Variants in ZMPSTE24 observed in about 807,000 individuals in gnomAD.
The protein encoded by ZMPSTE24 is CAAX prenyl protease 1 homolog.
In ZMPSTE24, 48 loss-of-function variants were observed where a neutral mutation model predicts 56.7. The ratio of observed to expected loss-of-function variants is 0.85; its 90% CI spans 0.67 to 1.08. The LOEUF is 1.08. Among genes scored for constraint, ZMPSTE24 ranks in the 50% least tolerant of loss-of-function variants. The pLI is 0.00. For missense variants in ZMPSTE24, 503 were observed against 548.7 expected, an observed-to-expected ratio of 0.92 and a Z score of 0.83; for synonymous variants, 172 against 195.2, an observed-to-expected ratio of 0.88 and a Z score of 0.99.
chr1:40,266,762 T>TTG, intron 2 of ZMPSTE24, among the ~76,000 whole-genome samples: 1 of 61,314 alleles, frequency 1.6e-5, no homozygotes, highest in African/African-American at 8.2e-5. Flanking sequence ...TTCGAACAAG[T>TTG]TTTTTTTTTT....
rs1292677042 is a variant in ZMPSTE24, at chr1:40,288,000, G to C, written c.1059+1971G>C. On this transcript the variant is annotated intron_variant, in intron 8 of 9. Coordinates refer to ENST00000372759, the MANE Select transcript of ZMPSTE24 (RefSeq NM_005857.5). The stretch of plus-strand genomic sequence containing the variant: ...GAGACCAGCCTGGGCAACATAGCGA[G>C]ACCCCCTTCTCTCCAAAAGGTTAAA... Among the ~76,000 whole-genome samples, 5 of 151,978 alleles carry C rather than the reference G, an allele frequency of 3.3e-5. No homozygotes were observed. The East Asian group carries it at 9.7e-4, about 29-fold the overall frequency.
At chr1:40,268,343 A>T in intron 3 of ZMPSTE24, 76 bp from the exon 4 acceptor site, 1 of 940,130 alleles carries the variant, frequency 1.1e-6, no homozygotes. Context: ...GTAGTAAGTA[A>T]GTGCTCAGCA....
intron 8 of ZMPSTE24, among the ~76,000 whole-genome samples, chr1:40,288,385 T>C (rs975429329): frequency 6.6e-6 from 1 of 152,212 alleles, no homozygotes; most frequent in African/African-American, 2.4e-5. Flanking sequence ...GGAAAATCAC[T>C]GCCCCTTCCA....
intron 1 of ZMPSTE24, 76 bp from the exon 2 acceptor site, chr1:40,260,763 C>A: frequency 6.7e-7 from 1 of 1,486,578 alleles, no homozygotes; most frequent in Non-Finnish European, 9.3e-7. Context: ...AGCTATAAAC[C>A]ATTCGATGTT....
At chr1:40,289,135 G>A (rs905953250) in intron 8 of ZMPSTE24, among the ~76,000 whole-genome samples, 1 of 152,210 alleles carries the variant, frequency 6.6e-6, no homozygotes, top group African/African-American at 2.4e-5. Flanking sequence ...AGGGTTGTTG[G>A]TGGTAGGAGT....
At position 40,292,515 on chromosome 1, in the gene ZMPSTE24, T is replaced by C. The variant is rs1443078191; in HGVS notation, c.1274T>C (p.Leu425Pro). The change falls in exon 10 of 10, where the codon CTT becomes CCT. Residue 425 changes from leucine to proline, a missense_variant. Coordinates refer to ENST00000372759, the MANE Select transcript of ZMPSTE24 (RefSeq NM_005857.5). ...EFQADAFAKK[L>P]GKAKDLYSAL... The stretch of plus-strand genomic sequence containing the variant: ...CAAGCTGATGCATTTGCCAAGAAAC[T>C]TGGGAAGGCTAAAGACTTATATTCT... The C allele has an allele frequency of 6.2e-7, 1 of 1,614,156 alleles. No homozygotes were observed. The highest frequency in any genetic ancestry group is 1.7e-5 in the Admixed American group (1 of 60,016).
Position 40,292,731 on chromosome 1 carries a change from G to T in ZMPSTE24, c.*62G>T. ...ATTTCTGTCCTGGCAGCATGTTCCA[G>T]CTCTTGATGTTTTTAAACTTTTTTT... On this transcript the variant is annotated 3_prime_UTR_variant, in exon 10 of 10. Coordinates refer to ENST00000372759, the MANE Select transcript of ZMPSTE24 (RefSeq NM_005857.5). 6.6e-7 allele frequency: 1 copy of T among 1,525,662 alleles called. No homozygotes were observed. The highest frequency in any genetic ancestry group is 1.2e-5 in the South Asian group (1 of 86,062). 94.5% of individuals were successfully genotyped at this position (1,525,662 alleles called of 1,614,324 possible).
chr1:40,278,557 CAAAAAAAAAAAAAAA>C (rs397979953), intron 6 of ZMPSTE24, among the ~76,000 whole-genome samples: 3 of 19,542 alleles, frequency 1.5e-4, no homozygotes, highest in African/African-American at 3.9e-4. Flanking sequence ...GACTCCGTCT[CAAAAAAAAAAAAAAA>C]AAAAAAAAAA....
At chr1:40,284,445 G>A (rs1465256082) in intron 7 of ZMPSTE24, among the ~76,000 whole-genome samples, 1 of 151,676 alleles carries the variant, frequency 6.6e-6, no homozygotes, top group Non-Finnish European at 1.5e-5. Context: ...TTGGTTATTT[G>A]CTCCTTAGTA....
intron 8 of ZMPSTE24, among the ~76,000 whole-genome samples, chr1:40,289,313 A>C (rs189816019): frequency 1.3e-5 from 2 of 152,382 alleles, no homozygotes; most frequent in Admixed American, 1.3e-4. Flanking sequence ...CCCAGTTCAG[A>C]AGGGATAGTT....
chr1:40,269,858 A>G (rs1199790651), intron 4 of ZMPSTE24, 117 bp from the exon 5 acceptor site: 2 of 1,178,528 alleles, frequency 1.7e-6, no homozygotes, highest in African/African-American at 1.6e-5. Flanking sequence ...ATATAGTTTC[A>G]CTGCATGTTA....
chr1:40,289,814 C>A (rs1643821894), intron 8 of ZMPSTE24, among the ~76,000 whole-genome samples: 1 of 152,166 alleles, frequency 6.6e-6, no homozygotes, highest in South Asian at 2.1e-4. Flanking sequence ...TCTGGTACAG[C>A]TCCAGTGGGC....
intron 8 of ZMPSTE24, among the ~76,000 whole-genome samples, chr1:40,286,337 A>G (rs1343299573): frequency 1.3e-5 from 2 of 152,226 alleles, no homozygotes; most frequent in African/African-American, 4.8e-5. Context: ...TATCACCACC[A>G]TCATCACCTC....
Position 40,260,875 on chromosome 1 carries a change from G to A in ZMPSTE24, c.160G>A (p.Glu54Lys), listed in dbSNP as rs1409114429. ...IYKTTTHVPP[E>K]LGQIMDSETF... The stretch of plus-strand genomic sequence containing the variant: ...TAAAACAACAACTCATGTACCACCG[G>A]AGTTAGGACAGATCATGGATTCTGA... Residue 54 changes from glutamate (E) to lysine (K), a missense_variant, in exon 2 of 10, where the codon GAG (glutamate) becomes AAG (lysine). Glu to Lys is a moderately conservative substitution (Grantham distance 56). Coordinates refer to ENST00000372759, the MANE Select transcript of ZMPSTE24 (RefSeq NM_005857.5). 3 of 1,613,920 alleles carry A rather than the reference G, an allele frequency of 1.9e-6. No homozygotes were observed. Among genetic ancestry groups the A allele is most frequent in the Admixed American group, 3.3e-5 (2 of 60,006 alleles).
rs1214749173 is a variant in ZMPSTE24 at position 40,292,508 on chromosome 1, A to G, written c.1267A>G (p.Lys423Glu). Reference protein sequence around the residue: ...RFEFQADAFAKKLGKAKDLYS... With the variant: ...RFEFQADAFAEKLGKAKDLYS... ...TGAGTTTCAAGCTGATGCATTTGCCAAGAAACTTGGGAAGGCTAAAGACTT... is the reference window on the plus strand; with the variant it reads ...TGAGTTTCAAGCTGATGCATTTGCCGAGAAACTTGGGAAGGCTAAAGACTT... Residue 423 changes from lysine to glutamate, a missense_variant, in exon 10 of 10, where the codon AAG becomes GAG. Physicochemically the swap from Lys to Glu is moderately conservative, Grantham distance 56 (BLOSUM62 1). Coordinates refer to ENST00000372759, the MANE Select transcript of ZMPSTE24 (RefSeq NM_005857.5). The G allele has an allele frequency of 1.9e-6, 3 of 1,614,142 alleles. No homozygotes were observed. Among genetic ancestry groups the G allele is most frequent in the East Asian group, 2.2e-5 (1 of 44,880 alleles).
At chr1:40,273,537 A>AAAAAAAT (rs1224234676) in intron 6 of ZMPSTE24, among the ~76,000 whole-genome samples, 3 of 12,390 alleles carry the variant, frequency 2.4e-4, no homozygotes, top group Non-Finnish European at 5.9e-4. Flanking sequence ...AAAAAAAAAA[A>AAAAAAAT]ATATATATAT....
Position 40,292,968 on chromosome 1 carries a change from A to G in ZMPSTE24, c.*299A>G, listed in dbSNP as rs1403791372. On this transcript the variant is annotated 3_prime_UTR_variant, in exon 10 of 10. Transcript: ENST00000372759. ...GAACTCGTTTTATTTGTATACTTAT[A>G]TGGAATCTGCATGTGAGGTGTTTGA... is the stretch of plus-strand genomic sequence containing the variant. 3 of 326,996 alleles carry G rather than the reference A, an allele frequency of 9.2e-6. No homozygotes were observed. The highest frequency in any genetic ancestry group is 4.4e-5 in the African/African-American group (2 of 45,786). The allele number at this position is 326,996 out of a possible 1,614,324, so 20.3% of individuals were successfully genotyped here.
chr1:40,280,941 A>AT (rs1355631900), intron 6 of ZMPSTE24, among the ~76,000 whole-genome samples: 1 of 152,034 alleles, frequency 6.6e-6, no homozygotes, highest in African/African-American at 2.4e-5. Flanking sequence ...ATACATGCAC[A>AT]TTTTTTCTTG....
intron 6 of ZMPSTE24, among the ~76,000 whole-genome samples, chr1:40,273,540 ATAT>A (rs1557776806): frequency 3.4e-4 from 27 of 78,412 alleles, no homozygotes; most frequent in African/African-American, 1.5e-3. Context: ...AAAAAAAAAT[ATAT>A]ATATATATAT....
Sources: gnomAD v4.1 joint callset for allele counts (sites outside exome capture counted in the v4.1 genomes callset) on GRCh38, gnomAD v4.1.1 for gene constraint, MANE v1.5 for transcripts, NCBI Gene and HGNC (gene_info 2026-07-23, HGNC 2026-07-21) for gene names.